Variants in CAPN5 observed in about 807,000 individuals in gnomAD.
The protein encoded by CAPN5 is calpain-5.
In CAPN5, 54 loss-of-function variants were observed where a neutral mutation model predicts 73.0. That is an observed-to-expected ratio of 0.74 (90% CI 0.59 to 0.93). The LOEUF is 0.93. Among genes scored for constraint, CAPN5 ranks in the 40% least tolerant of loss-of-function variants. The pLI is 0.00. For missense variants in CAPN5, 785 were observed against 882.9 expected, an observed-to-expected ratio of 0.89 and a Z score of 1.41; for synonymous variants, 335 against 356.9, an observed-to-expected ratio of 0.94 and a Z score of 0.69.
At chr11:77,109,645 G>A (rs1950391473) in intron 3 of CAPN5, among the ~76,000 whole-genome samples, 1 of 152,168 alleles carries the variant, frequency 6.6e-6, no homozygotes, top group Admixed American at 6.5e-5. Flanking sequence ...TGGTGTGCGA[G>A]CGCATCTATT....
In CAPN5 at chr11:77,103,139, G is replaced by A. The variant is rs782260435; in HGVS notation, c.297+9326G>A. The A allele has an allele frequency of 2.5e-6, 4 of 1,613,846 alleles. No homozygotes were observed. The East Asian group carries it at 8.9e-5, about 36-fold the overall frequency. Reference sequence around the variant, plus strand: ...CCAACCTCATGACACGCCAGCTGCTGGACCCCACTGCCATCTTCTGGCGCA... The same window carrying A: ...CCAACCTCATGACACGCCAGCTGCTAGACCCCACTGCCATCTTCTGGCGCA... On this transcript the variant is annotated intron_variant, in intron 3 of 12. Transcript: ENST00000648180.
At chr11:77,101,769 A>G (rs1213212210) in intron 3 of CAPN5, among the ~76,000 whole-genome samples, 3 of 151,484 alleles carry the variant, frequency 2.0e-5, no homozygotes, top group Admixed American at 6.6e-5. Context: ...TCTCTCCCCA[A>G]CTCCGGCTCC....
At chr11:77,092,914 C>A (rs1267930196) in intron 2 of CAPN5, among the ~76,000 whole-genome samples, 2 of 152,174 alleles carry the variant, frequency 1.3e-5, no homozygotes, top group Non-Finnish European at 2.9e-5. Flanking sequence ...TTGCAGTGAG[C>A]TGAGGTTGCA....
In CAPN5 at chr11:77,124,287, A is replaced by C; in HGVS notation, c.*417A>C. ...CAGCCTCCCAGACCTCACTTTCCCC[A>C]TCAGCAATACCTGGTGTTCTCCCAC... is the stretch of plus-strand genomic sequence containing the variant. On this transcript the variant is annotated 3_prime_UTR_variant, in exon 13 of 13. Coordinates refer to ENST00000648180, the MANE Select transcript of CAPN5 (RefSeq NM_004055.5). 5.6e-6 allele frequency: 1 copy of C among 177,294 alleles called. No homozygotes were observed. The highest frequency in any genetic ancestry group is 1.2e-5 in the Non-Finnish European group (1 of 83,408). 11.0% of individuals were successfully genotyped at this position (177,294 alleles called of 1,614,324 possible).
chr11:77,086,784 C>T (rs937145228), intron 2 of CAPN5, among the ~76,000 whole-genome samples: 2 of 152,218 alleles, frequency 1.3e-5, no homozygotes, highest in South Asian at 2.1e-4. Flanking sequence ...ATTTTAGGTC[C>T]GTGGCTCCGA....
chr11:77,081,217 T>A (rs1444815076), intron 1 of CAPN5, among the ~76,000 whole-genome samples: 2 of 152,166 alleles, frequency 1.3e-5, no homozygotes, highest in African/African-American at 4.8e-5. Context: ...CTGTGCTCAT[T>A]TTAGGGGGTG....
At chr11:77,098,515 C>A (rs1950241358) in intron 3 of CAPN5, among the ~76,000 whole-genome samples, 1 of 101,522 alleles carries the variant, frequency 9.9e-6, no homozygotes, top group African/African-American at 4.2e-5. Flanking sequence ...GACCCCCCCA[C>A]CTCCCTCCCG....
intron 1 of CAPN5, among the ~76,000 whole-genome samples, chr11:77,082,831 C>G (rs1227495915): frequency 3.3e-5 from 5 of 152,246 alleles, no homozygotes; most frequent in Non-Finnish European, 7.3e-5. Flanking sequence ...CCTGGGCGAG[C>G]TTCCTCTCCC....
chr11:77,093,126 G>A (rs532928144), intron 2 of CAPN5, among the ~76,000 whole-genome samples: 3 of 152,360 alleles, frequency 2.0e-5, no homozygotes, highest in East Asian at 3.9e-4. Context: ...CTTGGGTGGC[G>A]TGAAGACCTG....
At chr11:77,078,838 A>G (rs1319515547) in intron 1 of CAPN5, among the ~76,000 whole-genome samples, 1 of 152,024 alleles carries the variant, frequency 6.6e-6, no homozygotes, top group Non-Finnish European at 1.5e-5. Context: ...TTCCATGGTA[A>G]CTATTGTAAA....
intron 3 of CAPN5, among the ~76,000 whole-genome samples, chr11:77,111,609 A>G (rs1950411079): frequency 6.6e-6 from 1 of 152,214 alleles, no homozygotes; most frequent in Non-Finnish European, 1.5e-5. Context: ...TCATTCAGTC[A>G]ATGCATGTTT....
rs540513612 is a variant in CAPN5, at chr11:77,115,801, T to C, written c.893+213T>C. Among the ~76,000 whole-genome samples the C allele has an allele frequency of 9.9e-5, 15 of 152,110 alleles. No individual in the cohort carries two copies. The South Asian group carries it at 2.1e-3, about 21-fold the overall frequency. The stretch of plus-strand genomic sequence containing the variant: ...CTGGGGCTGGAGGCCATCAGGGGTG[T>C]AGAGACCAGCTTGGTGAGTGGGTGC... On this transcript the variant is annotated intron_variant, in intron 6 of 12. Coordinates refer to ENST00000648180, the MANE Select transcript of CAPN5 (RefSeq NM_004055.5).
intron 1 of CAPN5, among the ~76,000 whole-genome samples, chr11:77,084,604 T>C (rs1950061858): frequency 6.6e-6 from 1 of 152,162 alleles, no homozygotes; most frequent in Non-Finnish European, 1.5e-5. Flanking sequence ...GGGCCAGGCC[T>C]GAGCTCTGTG....
At chr11:77,075,311 C>T (rs1256852492) in intron 1 of CAPN5, among the ~76,000 whole-genome samples, 1 of 152,152 alleles carries the variant, frequency 6.6e-6, no homozygotes, top group African/African-American at 2.4e-5. Context: ...CAGAGGAAAC[C>T]TTGCAGGTGT....
In CAPN5 at chr11:77,093,741, G is replaced by T; in HGVS notation, c.225G>T (p.Gln75His). The T allele has an allele frequency of 6.2e-7, 1 of 1,612,086 alleles. No homozygotes were observed. ...VDGISSHDLHQGQVGNCWFVA... is the reference protein window; with the variant it reads ...VDGISSHDLHHGQVGNCWFVA... ...GCATCAGCTCCCACGACCTGCACCA[G>T]GGCCAGGTGGGCAACTGCTGGTTTG... Residue 75 changes from glutamine to histidine, a missense_variant, in exon 3 of 13, where the codon CAG becomes CAT. Coordinates refer to ENST00000648180, the MANE Select transcript of CAPN5 (RefSeq NM_004055.5).
chr11:77,113,156 G>C (rs1950428991), intron 4 of CAPN5, among the ~76,000 whole-genome samples: 1 of 152,204 alleles, frequency 6.6e-6, no homozygotes, highest in African/African-American at 2.4e-5. Flanking sequence ...TGGGGAAGTG[G>C]TAACTGAGCT....
At chr11:77,115,000 T>C (rs908194864) in intron 5 of CAPN5, among the ~76,000 whole-genome samples, 2 of 151,902 alleles carry the variant, frequency 1.3e-5, no homozygotes, top group Non-Finnish European at 2.9e-5. Context: ...GAGGCAGAAA[T>C]TGTGGTGAGC....
chr11:77,089,601 G>A (rs1051268946), intron 2 of CAPN5, among the ~76,000 whole-genome samples: 2 of 152,168 alleles, frequency 1.3e-5, no homozygotes, highest in Non-Finnish European at 1.5e-5. Context: ...CCCCTAAGCT[G>A]GGTTAGGACA....
chr11:77,120,531 A>G, intron 9 of CAPN5, 182 bp from the exon 10 acceptor site: 1 of 519,906 alleles, frequency 1.9e-6, no homozygotes. Flanking sequence ...ATTCCCATTG[A>G]CCTCTTCCCT....
Sources: gnomAD v4.1 joint callset for allele counts (sites outside exome capture counted in the v4.1 genomes callset) on GRCh38, gnomAD v4.1.1 for gene constraint, MANE v1.5 for transcripts, NCBI Gene and HGNC (gene_info 2026-07-23, HGNC 2026-07-21) for gene names.